SARM1: variants seen among roughly 807,000 people sequenced by gnomAD.
SARM1 encodes NAD(+) hydrolase SARM1.
A neutral mutation model predicts 65.1 loss-of-function variants in SARM1; 60 were observed. That is an observed-to-expected ratio of 0.92 (90% CI 0.75 to 1.14). The LOEUF is 1.14. Among genes scored for constraint, SARM1 ranks in the 50% most tolerant of loss-of-function variants. The pLI, the probability that SARM1 is intolerant of heterozygous loss-of-function variation, is 0.00. For synonymous variants in SARM1, 417 were observed against 465.4 expected (o/e 0.90, Z 1.34); for missense variants, 913 against 1,015.7 (o/e 0.90, Z 1.37).
At chr17:28,388,051 C>A in intron 5 of SARM1, 123 bp from the exon 6 acceptor site, 2 of 763,552 alleles carry the variant, frequency 2.6e-6, no homozygotes, top group Non-Finnish European at 4.4e-6. Flanking sequence ...GGGCAGGCCA[C>A]CCTCCCCAGG....
intron 5 of SARM1, among the ~76,000 whole-genome samples, chr17:28,386,174 G>A (rs149239211): frequency 1.4e-3 from 206 of 152,226 alleles, no homozygotes; most frequent in African/African-American, 4.7e-3. Flanking sequence ...GTGTGGTGGC[G>A]CATACCTGTA....
intron 2 of SARM1, among the ~76,000 whole-genome samples, chr17:28,382,126 A>G (rs1210889162): frequency 6.6e-6 from 1 of 151,986 alleles, no homozygotes; most frequent in Non-Finnish European, 1.5e-5. Flanking sequence ...AGGCAACCCA[A>G]TAAAAAACTA....
At chr17:28,374,092 C>G (rs1163420063) in intron 1 of SARM1, 1 of 142,276 alleles carries the variant, frequency 7.0e-6, no homozygotes, top group South Asian at 2.3e-4. Context: ...CATGGTGAAA[C>G]CCTGTCTCTA....
chr17:28,372,669 A>G lies in SARM1; in HGVS notation c.470+167A>G, dbSNP rs1403702104. On this transcript the variant is annotated intron_variant, in intron 1 of 8. Coordinates refer to ENST00000585482, the MANE Select transcript of SARM1 (RefSeq NM_015077.4). This position sits in a 1 kb window ranked among gnomAD's most constrained non-coding sequence, Gnocchi z 5.2. ...GTCTGTTTCACAGATAAGGAAACTG[A>G]GCCTTGGGAAAGTTTAGTGACTTGC... Among the ~76,000 whole-genome samples the G allele has an allele frequency of 6.6e-6, 1 of 152,210 alleles. No individual in the cohort carries two copies. The highest frequency in any genetic ancestry group is 6.5e-5 in the Admixed American group (1 of 15,286).
At chr17:28,390,278 G>A (rs1555586690) in intron 7 of SARM1, among the ~76,000 whole-genome samples, 1 of 152,202 alleles carries the variant, frequency 6.6e-6, no homozygotes, top group African/African-American at 2.4e-5. Flanking sequence ...AAGGGTTGTG[G>A]AGACCAAGTT....
intron 7 of SARM1, among the ~76,000 whole-genome samples, chr17:28,391,724 A>AC (rs2068080936): frequency 7.1e-6 from 1 of 141,752 alleles, no homozygotes; most frequent in Admixed American, 7.3e-5. Context: ...AAAAAAAAAA[A>AC]AAAAGAGAGA....
At chr17:28,394,232 A>G (rs546532557) in intron 7 of SARM1, among the ~76,000 whole-genome samples, 2 of 152,338 alleles carry the variant, frequency 1.3e-5, no homozygotes, top group East Asian at 3.8e-4. Flanking sequence ...GGCAATGTGG[A>G]GAGTGAATTA....
At position 28,385,349 on chromosome 17, in the gene SARM1, G is replaced by A. The variant is rs1046892579; in HGVS notation, c.1630+74G>A. 2.9e-5 allele frequency: 33 copies of A among 1,151,368 alleles called. No homozygotes were observed. Among genetic ancestry groups the A allele is most frequent in the Non-Finnish European group, 3.6e-5 (30 of 835,362 alleles). 71.3% of individuals were successfully genotyped at this position (1,151,368 alleles called of 1,614,324 possible). A position where few individuals can be genotyped will look rare whatever the true frequency, so the allele number is the denominator to read the frequency against. ...GCCCTGGAATGGTGAGGGGAGACAC[G>A]GGGTGGAGCCTTCCAGCCTCGCCGT... On this transcript the variant is annotated intron_variant, in intron 5 of 8. Transcript: ENST00000585482. This position sits in a 1 kb window ranked among gnomAD's most constrained non-coding sequence, Gnocchi z 4.5.
At chr17:28,381,955 C>G in intron 2 of SARM1, 134 bp downstream of exon 2, 1 of 1,177,758 alleles carries the variant, frequency 8.5e-7, no homozygotes, top group South Asian at 2.7e-5. Flanking sequence ...GAGGAGCGGG[C>G]CAGTCATTTT....
chr17:28,386,053 G>A (rs1426386476), intron 5 of SARM1, among the ~76,000 whole-genome samples: 2 of 152,164 alleles, frequency 1.3e-5, no homozygotes, highest in Admixed American at 6.5e-5. Flanking sequence ...TAGGACTTTG[G>A]GAGGCCAAGG....
chr17:28,377,009 C>T (rs568667769), intron 1 of SARM1, among the ~76,000 whole-genome samples: 1 of 152,208 alleles, frequency 6.6e-6, no homozygotes, highest in Non-Finnish European at 1.5e-5. Context: ...AGGCTGGTCT[C>T]GAACTCCTGA....
Position 28,385,036 on chromosome 17 carries a change from G to T in SARM1, c.1395-4G>T. On this transcript the variant is annotated splice_polypyrimidine_tract_variant and splice_region_variant and intron_variant, in intron 4 of 8. Coordinates refer to ENST00000585482, the MANE Select transcript of SARM1 (RefSeq NM_015077.4). This position sits in a 1 kb window ranked among gnomAD's most constrained non-coding sequence, Gnocchi z 4.5. Reference sequence around the variant, plus strand: ...CTCAGCGTCTTCTCCTCCGTGGGGTGCAGGTTCTTTAGGGAGCTCACGGAG... The same window carrying T: ...CTCAGCGTCTTCTCCTCCGTGGGGTTCAGGTTCTTTAGGGAGCTCACGGAG... 1.2e-6 allele frequency: 2 copies of T among 1,612,666 alleles called. No individual in the cohort carries two copies.
At chr17:28,394,358 A>G (rs782654417) in intron 7 of SARM1, among the ~76,000 whole-genome samples, 1 of 152,206 alleles carries the variant, frequency 6.6e-6, no homozygotes, top group Non-Finnish European at 1.5e-5. Context: ...GAAATAAGTA[A>G]GGAGTACAAT....
intron 2 of SARM1, among the ~76,000 whole-genome samples, chr17:28,382,787 G>A (rs2068030711): frequency 6.6e-6 from 1 of 152,140 alleles, no homozygotes. Flanking sequence ...CAGGCTCCAA[G>A]CGATCCTCTC....
At position 28,388,190 on chromosome 17, in the gene SARM1, G is replaced by A. The variant is rs139403866; in HGVS notation, c.1647G>A (p.Pro549=). The change falls in exon 6 of 9, where the codon CCG becomes CCA. Residue 549 remains proline, a synonymous_variant. Transcript: ENST00000585482. ...CCACTTCAGAAATGCTACACTCCCC[G>A]CTGCCCTGTACTGGTGGCAAACCCA... The part of the protein sequence containing the change: ...LTAAREMLHS[P]LPCTGGKPSG... The A allele has an allele frequency of 5.3e-4, 814 of 1,549,658 alleles. 4 individuals are homozygous for A. The African/African-American group carries it at 9.4e-3, about 18-fold the overall frequency.
intron 7 of SARM1, chr17:28,394,730 A>G (rs1418365655): frequency 6.6e-6 from 1 of 152,258 alleles, no homozygotes; most frequent in African/African-American, 2.4e-5. Context: ...CTTTGAGTGC[A>G]AAGTTTGAGA....
In SARM1 at chr17:28,384,426, TC is replaced by T; in HGVS notation, c.1160del (p.Ser387TrpfsTer71). 6.2e-7 allele frequency: 1 copy of T among 1,612,970 alleles called. No homozygotes were observed. The highest frequency in any genetic ancestry group is 8.5e-7 in the Non-Finnish European group (1 of 1,179,432). On this transcript the variant is annotated frameshift_variant, in exon 3 of 9. Coordinates refer to ENST00000585482, the MANE Select transcript of SARM1 (RefSeq NM_015077.4). LOFTEE classifies it high-confidence loss of function. The surrounding 1 kb of genome is among the most constrained non-coding windows in gnomAD (Gnocchi z 4.4). ...TTCCTACTCTACCAATGGCACTAAG[TC>T]GGCGCTGGCCAAGCGCGCGCTGCGC... is the stretch of plus-strand genomic sequence containing the variant. ...LVSYSTNGTK[S>X]ALAKRALRLL...
At position 28,401,161 on chromosome 17, in the gene SARM1, A is replaced by T. The variant is rs1475628584; in HGVS notation, c.*4875A>T. ...GCTGGTCTGATCAGTTCCAATATTC[A>T]TAGCGGTGTCACCACTGAATAGCTT... On this transcript the variant is annotated 3_prime_UTR_variant, in exon 9 of 9. Coordinates refer to ENST00000585482, the MANE Select transcript of SARM1 (RefSeq NM_015077.4). The T allele has an allele frequency of 3.8e-6, 1 of 264,602 alleles. No individual in the cohort carries two copies. Among genetic ancestry groups the T allele is most frequent in the African/African-American group, 2.2e-5 (1 of 45,410 alleles). The allele number at this position is 264,602 out of a possible 1,614,324, so 16.4% of individuals were successfully genotyped here.
rs868944042 is a variant in SARM1 at position 28,384,923 on chromosome 17, C to G, written c.1387C>G (p.Arg463Gly). 1.9e-6 allele frequency: 3 copies of G among 1,567,564 alleles called. No individual in the cohort carries two copies. Among genetic ancestry groups the G allele is most frequent in the Non-Finnish European group, 2.6e-6 (3 of 1,156,280 alleles). The change falls in exon 4 of 9, where the codon CGC becomes GGC. Residue 463 changes from arginine (R) to glycine (G), a missense_variant. This residue lies in a region of SARM1 where 862 missense variants were observed against 952.1 expected (regional missense o/e 0.91). Coordinates refer to ENST00000585482, the MANE Select transcript of SARM1 (RefSeq NM_015077.4). The surrounding 1 kb of genome is among the most constrained non-coding windows in gnomAD (Gnocchi z 4.4). ...TDLGMKSGIT[R>G]KRFFRELTEL... The stretch of plus-strand genomic sequence containing the variant: ...CCTGGGCATGAAATCGGGCATCACC[C>G]GCAAGAGGTACGGAGCCTCCTGCCC...
Sources: gnomAD v4.1 joint callset for allele counts (sites outside exome capture counted in the v4.1 genomes callset) on GRCh38, gnomAD v4.1.1 for gene constraint, gnomAD v4.1.1 regional missense constraint, Gnocchi (gnomAD v3.1) non-coding constraint, MANE v1.5 for transcripts, NCBI Gene and HGNC (gene_info 2026-07-23, HGNC 2026-07-21) for gene names.